SGCD: variants seen among roughly 807,000 people sequenced by gnomAD.
SGCD encodes the protein delta-sarcoglycan.
SGCD carries 18 observed loss-of-function variants against 36.6 expected under a neutral mutation model. The observed-to-expected ratio is 0.49, with a 90% CI of 0.34 to 0.73. SGCD has a LOEUF of 0.73. Among genes scored for constraint, SGCD ranks in the 30% least tolerant of loss-of-function variants. SGCD has a pLI of 0.01. For missense variants in SGCD, 387 were observed against 346.7 expected, an observed-to-expected ratio of 1.12 and a Z score of -0.92; for synonymous variants, 133 against 130.6, an observed-to-expected ratio of 1.02 and a Z score of -0.12.
chr5:155,752,584 C>G, the SGCD span, among the ~76,000 whole-genome samples: 1 of 152,154 alleles, frequency 6.6e-6, no homozygotes. Context: ...CCTGACTTCC[C>G]ACTTCCTAGG....
chr5:156,424,289 C>T (rs747384090), intron 3 of SGCD, among the ~76,000 whole-genome samples: 11 of 151,948 alleles, frequency 7.2e-5, no homozygotes, highest in South Asian at 2.1e-4. Context: ...ACTGCATGCT[C>T]GTATACTCCT....
rs1378852217 is a variant in SGCD, at chr5:156,355,426, T to TTTTCAATTTCTTCTTTTCAATA, written c.192+10749_192+10750insTTTCAATTTCTTCTTTTCAATA. Among the ~76,000 whole-genome samples, 527 of 152,360 alleles carry TTTTCAATTTCTTCTTTTCAATA rather than the reference T, an allele frequency of 3.5e-3. 4 individuals carry two copies. The highest frequency in any genetic ancestry group is 0.012 in the African/African-American group (505 of 41,586). On this transcript the variant is annotated intron_variant, in intron 3 of 8. Coordinates refer to ENST00000337851, the MANE Select transcript of SGCD (RefSeq NM_000337.6). ...TTGTACCTTTTCCACACATTCATTCTGTCTCATTTCTTCCTTTCAATATTC... is the reference window on the plus strand; with the variant it reads ...TTGTACCTTTTCCACACATTCATTCTTTTCAATTTCTTCTTTTCAATAGTCTCATTTCTTCCTTTCAATATTC...
rs552041056 is a variant in SGCD, at chr5:155,943,995, T to C, written c.-282+73571T>C. On this transcript the variant is annotated intron_variant, in intron 1 of 9. Coordinates refer to the SGCD transcript ENST00000517913. Reference sequence around the variant, plus strand: ...CCTTCCACCTGTTCAGTGGTCCTCCTTCTGTCCTGCAGAGGGCAGCCTGCA... The same window carrying C: ...CCTTCCACCTGTTCAGTGGTCCTCCCTCTGTCCTGCAGAGGGCAGCCTGCA... Among the ~76,000 whole-genome samples the C allele has an allele frequency of 2.6e-5, 4 of 152,348 alleles. No homozygotes were observed. In the East Asian group the frequency reaches 7.7e-4, roughly 29 times the overall value.
intron 3 of SGCD, among the ~76,000 whole-genome samples, chr5:156,218,777 A>T (rs1395640245): frequency 6.6e-6 from 1 of 152,186 alleles, no homozygotes; most frequent in East Asian, 1.9e-4. Context: ...ACATGTGTAT[A>T]TTCAGCCTGC....
chr5:156,630,489 A>C (rs765371080), intron 6 of SGCD, among the ~76,000 whole-genome samples: 17 of 152,186 alleles, frequency 1.1e-4, no homozygotes, highest in Non-Finnish European at 2.2e-4. Context: ...CACTATTCTA[A>C]GTGCTTTGCC....
At chr5:156,613,665 A>G (rs1362904187) in intron 6 of SGCD, among the ~76,000 whole-genome samples, 1 of 152,222 alleles carries the variant, frequency 6.6e-6, no homozygotes, top group African/African-American at 2.4e-5. Flanking sequence ...CTACTGAATG[A>G]GAAACTCAGG....
intron 3 of SGCD, among the ~76,000 whole-genome samples, chr5:156,375,558 T>G (rs1770616418): frequency 6.6e-6 from 1 of 152,192 alleles, no homozygotes; most frequent in Non-Finnish European, 1.5e-5. Context: ...CTGTGCTGTG[T>G]GATCATTTCC....
chr5:156,389,503 G>A (rs1380492566), intron 3 of SGCD, among the ~76,000 whole-genome samples: 2 of 152,182 alleles, frequency 1.3e-5, no homozygotes, highest in Admixed American at 1.3e-4. Context: ...ACAGTCCCCA[G>A]CCTTTTTGGC....
At chr5:155,917,665 G>T (rs145954638) in intron 1 of SGCD, among the ~76,000 whole-genome samples, 1 of 152,068 alleles carries the variant, frequency 6.6e-6, no homozygotes, top group Non-Finnish European at 1.5e-5. Context: ...ATACCAAGAC[G>T]TCAGGCAGAA....
chr5:156,517,899 A>G (rs1757246846), intron 4 of SGCD, among the ~76,000 whole-genome samples: 1 of 152,194 alleles, frequency 6.6e-6, no homozygotes, highest in African/African-American at 2.4e-5. Context: ...ATTGAAGTAC[A>G]AAGACCAATG....
chr5:156,381,990 A>C (rs1484486802), intron 3 of SGCD, among the ~76,000 whole-genome samples: 1 of 152,214 alleles, frequency 6.6e-6, no homozygotes, highest in Non-Finnish European at 1.5e-5. Context: ...TTTTATTATT[A>C]TCATAAACAT....
At chr5:156,713,641 TG>T (rs1184838085) in intron 7 of SGCD, among the ~76,000 whole-genome samples, 2 of 152,354 alleles carry the variant, frequency 1.3e-5, no homozygotes, top group East Asian at 1.9e-4. Context: ...TTGCATCTGT[TG>T]TTTACTTCAT....
At chr5:156,714,920 G>C (rs1274764932) in intron 7 of SGCD, among the ~76,000 whole-genome samples, 1 of 152,174 alleles carries the variant, frequency 6.6e-6, no homozygotes, top group Non-Finnish European at 1.5e-5. Flanking sequence ...TGTCAGGTTT[G>C]TGAGAATTGT....
intron 3 of SGCD, among the ~76,000 whole-genome samples, chr5:156,310,870 T>A (rs1767374324): frequency 6.6e-6 from 1 of 152,162 alleles, no homozygotes; most frequent in Non-Finnish European, 1.5e-5. Flanking sequence ...ACAAAACTAA[T>A]GACTTGTAAT....
intron 1 of SGCD, among the ~76,000 whole-genome samples, chr5:156,030,123 TA>T (rs1759312879): frequency 6.6e-6 from 1 of 152,136 alleles, no homozygotes; most frequent in Non-Finnish European, 1.5e-5. Context: ...GAAATGAAAA[TA>T]GGAATGAGCT....
the SGCD span, among the ~76,000 whole-genome samples, chr5:155,845,793 T>C: frequency 6.6e-6 from 1 of 152,162 alleles, no homozygotes; most frequent in Non-Finnish European, 1.5e-5. Flanking sequence ...TAATTCATTA[T>C]CTGTAAACCT....
intron 1 of SGCD, among the ~76,000 whole-genome samples, chr5:155,951,225 A>G (rs1158252750): frequency 6.6e-6 from 1 of 152,186 alleles, no homozygotes; most frequent in African/African-American, 2.4e-5. Flanking sequence ...ACTGAAAGAC[A>G]TATACAGGAT....
At chr5:155,951,765 T>C (rs922170155) in intron 1 of SGCD, among the ~76,000 whole-genome samples, 2 of 152,212 alleles carry the variant, frequency 1.3e-5, no homozygotes, top group African/African-American at 4.8e-5. Context: ...AACTGAATGA[T>C]ACATTTGGGT....
chr5:156,110,939 G>A (rs1761767260), intron 1 of SGCD, among the ~76,000 whole-genome samples: 1 of 152,098 alleles, frequency 6.6e-6, no homozygotes, highest in Non-Finnish European at 1.5e-5. Context: ...GTTGTGAAGT[G>A]TCTGAGATCT....
Sources: gnomAD v4.1 joint callset for allele counts (sites outside exome capture counted in the v4.1 genomes callset) on GRCh38, gnomAD v4.1.1 for gene constraint, MANE v1.5 for transcripts, NCBI Gene and HGNC (gene_info 2026-07-23, HGNC 2026-07-21) for gene names.